UGT1A6: variants seen among roughly 807,000 people sequenced by gnomAD.
UGT1A6 encodes UDP-glucuronosyltransferase 1A6.
UGT1A6 carries 32 observed loss-of-function variants against 44.4 expected under a neutral mutation model. That is an observed-to-expected ratio of 0.72 (90% confidence interval 0.54 to 0.97). The LOEUF (loss-of-function observed/expected upper bound fraction) is 0.97. Among genes scored for constraint, UGT1A6 ranks in the 50% least tolerant of loss-of-function variants. UGT1A6 has a pLI of 0.00. For missense variants in UGT1A6, 685 were observed against 661.9 expected, an observed-to-expected ratio of 1.03 and a Z score of -0.38; for synonymous variants, 238 against 248.5, an observed-to-expected ratio of 0.96 and a Z score of 0.40.
intron 1 of UGT1A6, among the ~76,000 whole-genome samples, chr2:233,694,434 A>G (rs1178426313): frequency 6.6e-6 from 1 of 152,168 alleles, no homozygotes; most frequent in Admixed American, 6.5e-5. Flanking sequence ...CAAAGCCTAC[A>G]CATTTACTGA....
rs757417206 is a variant in UGT1A6, at chr2:233,772,349, T to C, written c.1389T>C (p.Phe463=). Residue 463 remains phenylalanine (F), a synonymous_variant, in exon 5 of 5, where the codon TTT becomes TTC. Coordinates refer to ENST00000305139, the MANE Select transcript of UGT1A6 (RefSeq NM_001072.4). ...ACCTGGCCGTGTTCTGGGTGGAGTT[T>C]GTGATGAGGCACAAGGGCGCGCCAC... ...PLDLAVFWVE[F]VMRHKGAPHL... is the part of the protein sequence containing the mutation. 2 of 1,614,272 alleles carry C rather than the reference T, an allele frequency of 1.2e-6. No individual in the cohort carries two copies. The highest frequency in any genetic ancestry group is 1.7e-5 in the Admixed American group (1 of 60,034).
At chr2:233,701,057 T>C (rs935589404) in intron 1 of UGT1A6, among the ~76,000 whole-genome samples, 12 of 152,198 alleles carry the variant, frequency 7.9e-5, no homozygotes, top group African/African-American at 2.9e-4. Flanking sequence ...ACTCATAATT[T>C]TTTATGGCTG....
At position 233,692,960 on chromosome 2, in the gene UGT1A6, G is replaced by A; in HGVS notation, c.-45G>A. The stretch of plus-strand genomic sequence containing the variant: ...ATACCTAGGAGCCCTGTGATTTGGA[G>A]AGTGAAAACTCTTTATTACCGTTGT... On this transcript the variant is annotated 5_prime_UTR_variant, in exon 1 of 5. Transcript: ENST00000305139. 2 of 1,608,304 alleles carry A rather than the reference G, an allele frequency of 1.2e-6. No homozygotes were observed. Among genetic ancestry groups the A allele is most frequent in the Non-Finnish European group, 1.7e-6 (2 of 1,177,964 alleles).
At chr2:233,695,283 T>A (rs546580338) in intron 1 of UGT1A6, among the ~76,000 whole-genome samples, 12 of 151,886 alleles carry the variant, frequency 7.9e-5, no homozygotes, top group Non-Finnish European at 8.8e-5. Flanking sequence ...GTGCCACCAT[T>A]CCCAGCTAAT....
rs1228937957 is a variant in UGT1A6 at position 233,725,058 on chromosome 2, G to C, written c.861+31193G>C. Reference sequence around the variant, plus strand: ...CAAAACCAGTCAGGCGTGGCGGCGCGCGCCTGCAATCGCAGGCACTCGGCA... The same window carrying C: ...CAAAACCAGTCAGGCGTGGCGGCGCCCGCCTGCAATCGCAGGCACTCGGCA... On this transcript the variant is annotated intron_variant, in intron 1 of 4. Coordinates refer to ENST00000305139, the MANE Select transcript of UGT1A6 (RefSeq NM_001072.4). Among the ~76,000 whole-genome samples the C allele has an allele frequency of 2.0e-5, 3 of 147,402 alleles. 1 individual carries two copies. The highest frequency in any genetic ancestry group is 5.1e-5 in the African/African-American group (2 of 39,480).
intron 1 of UGT1A6, among the ~76,000 whole-genome samples, chr2:233,733,416 G>C (rs570726599): frequency 6.6e-6 from 1 of 152,104 alleles, no homozygotes; most frequent in Non-Finnish European, 1.5e-5. Context: ...TCCAGTTTTC[G>C]CCTACTCAGT....
intron 1 of UGT1A6, among the ~76,000 whole-genome samples, chr2:233,702,642 A>G (rs913191367): frequency 1.3e-5 from 2 of 152,146 alleles, no homozygotes; most frequent in African/African-American, 4.8e-5. Context: ...ATTTTCATCT[A>G]TTCCTAGCTC....
rs1693674969 is a variant in UGT1A6 at position 233,747,432 on chromosome 2, T to A, written c.862-19602T>A. ...GAATATGCACATCAAACAAGAGAAA[T>A]TTTTCACCCTGACAACCTATGCCAT... On this transcript the variant is annotated intron_variant, in intron 1 of 4. Transcript: ENST00000305139. 1.9e-6 allele frequency: 3 copies of A among 1,608,474 alleles called. No individual in the cohort carries two copies. The Admixed American group carries it at 5.0e-5, about 27-fold the overall frequency.
chr2:233,712,864 G>A, intron 1 of UGT1A6: 1 of 1,572,064 alleles, frequency 6.4e-7, no homozygotes, highest in Non-Finnish European at 8.6e-7. Context: ...AACTGGAGGA[G>A]GGCACTCTGT....
In UGT1A6 at chr2:233,756,891, T is replaced by C. The variant is rs11568316; in HGVS notation, c.862-10143T>C. ...TATTAGGTGTAATGAGGATGTGTTA[T>C]CTCACCAGAACAAACTTCTGAGTTT... On this transcript the variant is annotated intron_variant, in intron 1 of 4. Coordinates refer to ENST00000305139, the MANE Select transcript of UGT1A6 (RefSeq NM_001072.4). 4.5e-3 allele frequency among the ~76,000 whole-genome samples: 679 copies of C among 152,202 alleles called. 6 individuals carry two copies. Among genetic ancestry groups the C allele is most frequent in the African/African-American group, 0.016 (644 of 41,534 alleles).
chr2:233,725,031 A>T (rs1445155705), intron 1 of UGT1A6, among the ~76,000 whole-genome samples: 4 of 148,206 alleles, frequency 2.7e-5, no homozygotes, highest in Admixed American at 1.3e-4. Context: ...CCCGGTCTCC[A>T]CCAAAACCAG....
intron 1 of UGT1A6, among the ~76,000 whole-genome samples, chr2:233,694,699 C>T (rs1279284041): frequency 6.6e-6 from 1 of 152,312 alleles, no homozygotes; most frequent in East Asian, 1.9e-4. Context: ...CCTTACCTCT[C>T]TTCTTTACAC....
intron 1 of UGT1A6, among the ~76,000 whole-genome samples, chr2:233,737,027 C>T (rs2078835915): frequency 6.6e-6 from 1 of 152,230 alleles, no homozygotes; most frequent in South Asian, 2.1e-4. Flanking sequence ...TCTGTCCATT[C>T]TCAGAGCTCA....
chr2:233,768,233 C>A lies in UGT1A6; in HGVS notation c.1095C>A (p.Thr365=), dbSNP rs1699591703. The change falls in exon 4 of 5, where the codon ACC becomes ACA. Residue 365 remains threonine, a synonymous_variant. Coordinates refer to ENST00000305139, the MANE Select transcript of UGT1A6 (RefSeq NM_001072.4). ...PQNDLLGHPM[T]RAFITHAGSH... ...TTTGCATCTCAGGTCACCCGATGAC[C>A]CGTGCCTTTATCACCCATGCTGGTT... 6.2e-7 allele frequency: 1 copy of A among 1,614,170 alleles called. No homozygotes were observed. The highest frequency in any genetic ancestry group is 8.5e-7 in the Non-Finnish European group (1 of 1,180,028).
chr2:233,741,661 C>T (rs1691734186), intron 1 of UGT1A6: 1 of 151,910 alleles, frequency 6.6e-6, no homozygotes, highest in African/African-American at 2.4e-5. Flanking sequence ...CTGCCATGTT[C>T]CTGCTGTTTA....
upstream of UGT1A6, chr2:233,692,094 C>T (rs1233330203): frequency 1.3e-5 from 2 of 152,126 alleles, no homozygotes; most frequent in African/African-American, 4.8e-5. Context: ...TTGATTTGAT[C>T]ACCGATGGGC....
chr2:233,705,942 A>T (rs1310148343), intron 1 of UGT1A6, among the ~76,000 whole-genome samples: 1 of 152,156 alleles, frequency 6.6e-6, no homozygotes, highest in African/African-American at 2.4e-5. Context: ...ACAAAAAATT[A>T]GCTGGGTGTG....
At chr2:233,730,068 G>C in intron 1 of UGT1A6, 1 of 1,610,044 alleles carries the variant, frequency 6.2e-7, no homozygotes, top group Non-Finnish European at 8.5e-7. Flanking sequence ...ATTTAAAATT[G>C]CTTCCATATT....
chr2:233,765,183 T>A (rs1157736453), intron 1 of UGT1A6, among the ~76,000 whole-genome samples: 1 of 152,162 alleles, frequency 6.6e-6, no homozygotes. Flanking sequence ...CCCTGCCACA[T>A]CACACAATCA....
Sources: gnomAD v4.1 joint callset for allele counts (sites outside exome capture counted in the v4.1 genomes callset) on GRCh38, gnomAD v4.1.1 for gene constraint, MANE v1.5 for transcripts, NCBI Gene and HGNC (gene_info 2026-07-23, HGNC 2026-07-21) for gene names.